The following TRIT1 variants were observed in gnomAD, a reference collection of about 807,000 sequenced individuals.
The protein encoded by TRIT1 is tRNA isopentenyltransferase 1, also known as tRNA dimethylallyltransferase.
Under a neutral mutation model 51.2 loss-of-function variants are expected in TRIT1, and 43 were observed. The ratio of observed to expected loss-of-function variants is 0.84; its 90% CI spans 0.66 to 1.08. The LOEUF (loss-of-function observed/expected upper bound fraction) is 1.08. Ranked by LOEUF, TRIT1 falls within the 50% of genes least tolerant of loss-of-function variation. TRIT1 has a pLI of 0.00. For synonymous variants in TRIT1, 184 were observed against 203.9 expected, an observed-to-expected ratio of 0.90 and a Z score of 0.83; for missense variants, 528 against 578.4, an observed-to-expected ratio of 0.91 and a Z score of 0.89.
intron 1 of TRIT1, among the ~76,000 whole-genome samples, chr1:39,875,252 G>C (rs1339399214): frequency 3.3e-5 from 5 of 151,988 alleles, no homozygotes; most frequent in Non-Finnish European, 7.4e-5. Flanking sequence ...CCCTTTGGGA[G>C]CCCGAGGTGG....
chr1:39,852,248 G>A (rs1490735732), intron 4 of TRIT1, among the ~76,000 whole-genome samples: 1 of 152,128 alleles, frequency 6.6e-6, no homozygotes, highest in African/African-American at 2.4e-5. Context: ...ACATGACCTT[G>A]TGAGTTCATT....
rs1652516596 is a variant in TRIT1 at position 39,840,614 on chromosome 1, A to C, written c.*1130T>G. Among the ~76,000 whole-genome samples, 1 of 152,186 alleles carries C rather than the reference A, an allele frequency of 6.6e-6. No individual in the cohort carries two copies. The highest frequency in any genetic ancestry group is 2.1e-4 in the South Asian group (1 of 4,834). ...TAATTCAGGGCCTCTCATAGAGTAGATTCTGCACAAACAAAATGTATTTGA... is the reference window on the plus strand; with the variant it reads ...TAATTCAGGGCCTCTCATAGAGTAGCTTCTGCACAAACAAAATGTATTTGA... On this transcript the variant is annotated 3_prime_UTR_variant, in exon 11 of 11. Transcript: ENST00000316891.
chr1:39,857,551 T>C, intron 1 of TRIT1, 134 bp from the exon 2 acceptor site: 1 of 932,574 alleles, frequency 1.1e-6, no homozygotes, highest in Non-Finnish European at 1.6e-6. Context: ...GTAGATGTAT[T>C]CTAACAAACA....
At chr1:39,843,347 T>C (rs1224363606) in intron 10 of TRIT1, among the ~76,000 whole-genome samples, 1 of 152,052 alleles carries the variant, frequency 6.6e-6, no homozygotes, top group Non-Finnish European at 1.5e-5. Context: ...TATTTCTAAA[T>C]ACCATGTAAA....
intron 3 of TRIT1, 111 bp downstream of exon 3, chr1:39,853,859 A>C: frequency 1.4e-6 from 1 of 704,564 alleles, no homozygotes; most frequent in Non-Finnish European, 2.4e-6. Flanking sequence ...TAGGAAAATT[A>C]TAGTTGCTGG....
At chr1:39,859,260 CAAAAAAAAAAAAAAAAAAAAAAAA>C (rs3033562) in intron 1 of TRIT1, among the ~76,000 whole-genome samples, 2 of 19,018 alleles carry the variant, frequency 1.1e-4, no homozygotes, top group East Asian at 4.6e-4. Flanking sequence ...GACTCCGTCT[CAAAAAAAAAAAAAAAAAAAAAAAA>C]AAAAAAAAAA....
chr1:39,863,880 C>T (rs1224908182), intron 1 of TRIT1, among the ~76,000 whole-genome samples: 1 of 152,120 alleles, frequency 6.6e-6, no homozygotes, highest in Non-Finnish European at 1.5e-5. Flanking sequence ...AGAATCCAGA[C>T]CCATGGTTCT....
At chr1:39,852,472 T>C in intron 4 of TRIT1, 1 of 378,036 alleles carries the variant, frequency 2.6e-6, no homozygotes, top group Non-Finnish European at 4.7e-6. Flanking sequence ...AAATAGAAAA[T>C]GAAGCAACAT....
In TRIT1 at chr1:39,838,132, T is replaced by C. The variant is rs1300572213; in HGVS notation, c.*3612A>G. ...TGTTATAGCAACTTAGCCTTTTACC[T>C]GAACTAATACAAACATGCAGCTTCC... On this transcript the variant is annotated 3_prime_UTR_variant, in exon 11 of 11. Transcript: ENST00000316891. 6.6e-6 allele frequency among the ~76,000 whole-genome samples: 1 copy of C among 152,252 alleles called. No individual in the cohort carries two copies. The highest frequency in any genetic ancestry group is 6.5e-5 in the Admixed American group (1 of 15,286).
At chr1:39,860,365 T>A (rs1643165885) in intron 1 of TRIT1, among the ~76,000 whole-genome samples, 1 of 152,228 alleles carries the variant, frequency 6.6e-6, no homozygotes, top group African/African-American at 2.4e-5. Flanking sequence ...TTTATGGGTA[T>A]GTTTTATAGT....
At chr1:39,851,715 G>A (rs1424932028) in intron 4 of TRIT1, among the ~76,000 whole-genome samples, 1 of 152,080 alleles carries the variant, frequency 6.6e-6, no homozygotes, top group Non-Finnish European at 1.5e-5. Context: ...GGCTGAGGCA[G>A]GAGGATCGCT....
At chr1:39,874,400 C>T (rs1008123842) in intron 1 of TRIT1, among the ~76,000 whole-genome samples, 1 of 152,020 alleles carries the variant, frequency 6.6e-6, no homozygotes, top group African/African-American at 2.4e-5. Context: ...CCAAATCACC[C>T]CAAGTTGAGA....
At chr1:39,873,097 T>C (rs533844322) in intron 1 of TRIT1, among the ~76,000 whole-genome samples, 1 of 152,314 alleles carries the variant, frequency 6.6e-6, no homozygotes, top group African/African-American at 2.4e-5. Context: ...CTATTCAGTG[T>C]GGGCCAGACT....
Position 39,851,969 on chromosome 1 carries a change from A to G in TRIT1, c.560+762T>C, listed in dbSNP as rs201278515. On this transcript the variant is annotated intron_variant, in intron 4 of 10. Transcript: ENST00000316891. ...CTCTTAAAAAAAAAAAAAAAAAGTA[A>G]TAATAATAATGAATGTTTTAAATCC... Among the ~76,000 whole-genome samples the G allele has an allele frequency of 1.6e-4, 25 of 151,832 alleles. No homozygotes were observed. The East Asian group carries it at 4.1e-3, about 25-fold the overall frequency.
At chr1:39,861,297 G>C (rs1382068491) in intron 1 of TRIT1, among the ~76,000 whole-genome samples, 2 of 152,088 alleles carry the variant, frequency 1.3e-5, no homozygotes, top group Non-Finnish European at 2.9e-5. Flanking sequence ...GGAAGACTGA[G>C]GCAGACCCAG....
chr1:39,879,872 C>CAAA (rs11406062), intron 1 of TRIT1, among the ~76,000 whole-genome samples: 11 of 49,150 alleles, frequency 2.2e-4, no homozygotes, highest in African/African-American at 1.8e-4. Flanking sequence ...AACTCCATCT[C>CAAA]AAAAAAAAAA....
At chr1:39,851,913 C>T (rs1002567349) in intron 4 of TRIT1, among the ~76,000 whole-genome samples, 2 of 147,636 alleles carry the variant, frequency 1.4e-5, no homozygotes, top group Non-Finnish European at 3.0e-5. Context: ...TGCCACTGTA[C>T]TCCAGCCTGG....
In TRIT1 at chr1:39,838,810, T is replaced by C. The variant is rs1652467249; in HGVS notation, c.*2934A>G. On this transcript the variant is annotated 3_prime_UTR_variant, in exon 11 of 11. Coordinates refer to ENST00000316891, the MANE Select transcript of TRIT1 (RefSeq NM_017646.6). ...GCCACCACTCCCGGACTGTTATTTT[T>C]TAATGTTATACTGGGTGTTTTGTTT... Among the ~76,000 whole-genome samples the C allele has an allele frequency of 6.6e-6, 1 of 152,180 alleles. No homozygotes were observed. The highest frequency in any genetic ancestry group is 2.4e-5 in the African/African-American group (1 of 41,444).
chr1:39,870,189 G>A (rs1172348929), intron 1 of TRIT1, among the ~76,000 whole-genome samples: 1 of 152,168 alleles, frequency 6.6e-6, no homozygotes, highest in Non-Finnish European at 1.5e-5. Context: ...GCCTTGGGAT[G>A]CTGTTAATCT....
Sources: gnomAD v4.1 joint callset for allele counts (sites outside exome capture counted in the v4.1 genomes callset) on GRCh38, gnomAD v4.1.1 for gene constraint, MANE v1.5 for transcripts, NCBI Gene and HGNC (gene_info 2026-07-23, HGNC 2026-07-21) for gene names.